Variants in ACAP3 observed in about 807,000 individuals in gnomAD.
The protein encoded by ACAP3 is arf-GAP with coiled-coil, ANK repeat and PH domain-containing protein 3.
ACAP3 carries 56 observed loss-of-function variants against 104.1 expected under a neutral mutation model. That is an observed-to-expected ratio of 0.54 (90% confidence interval 0.43 to 0.67). The LOEUF is 0.67. ACAP3 is among the 30% of genes least tolerant of loss of function. The probability of loss-of-function intolerance (pLI) is 0.00; values close to 1 mark genes in which losing one functional copy is unlikely to be tolerated. For synonymous variants in ACAP3, 628 were observed against 496.2 expected (o/e 1.27, Z -3.53); for missense variants, 1,208 against 1,174.9 (o/e 1.03, Z -0.41).
chr1:1,294,501 G>T lies in ACAP3; in HGVS notation c.2040C>A (p.Asp680Glu). ...LLAHRAARAR[D>E]LPALAAALAH... The stretch of plus-strand genomic sequence containing the variant: ...CCAGCGCCGCCGCCAGCGCAGGAAG[G>T]TCGCGGGCACGCGCTGCGCGGTGCG... The change falls in exon 21 of 24, where the codon GAC becomes GAA. Residue 680 changes from aspartate to glutamate, a missense_variant. Physicochemically the swap from Asp to Glu is conservative, Grantham distance 45. Transcript: ENST00000354700. 2.0e-6 allele frequency: 3 copies of T among 1,534,830 alleles called. No individual in the cohort carries two copies. Among genetic ancestry groups the T allele is most frequent in the Non-Finnish European group, 2.6e-6 (3 of 1,147,700 alleles).
At chr1:1,294,376 G>A in intron 21 of ACAP3, 26 bp downstream of exon 21, 2 of 1,553,554 alleles carry the variant, frequency 1.3e-6, no homozygotes, top group Non-Finnish European at 1.7e-6. Flanking sequence ...CCTGTGTCCT[G>A]CGCGCAGCCC....
intron 1 of ACAP3, chr1:1,304,361 G>T (rs1442432982): frequency 3.3e-6 from 2 of 599,152 alleles, no homozygotes; most frequent in African/African-American, 4.1e-5. Flanking sequence ...GGCAGCCGCT[G>T]CTGTGCCCTC....
At chr1:1,299,044 G>A (rs1316950171) in intron 10 of ACAP3, 3 of 564,380 alleles carry the variant, frequency 5.3e-6, no homozygotes, top group Non-Finnish European at 9.4e-6. Context: ...CCATTCAGGA[G>A]GCCTGGGAGT....
In ACAP3 at chr1:1,293,485, G is replaced by T. The variant is rs1640932110; in HGVS notation, c.*79C>A. The T allele has an allele frequency of 1.5e-6, 2 of 1,316,524 alleles. No individual in the cohort carries two copies. The highest frequency in any genetic ancestry group is 1.6e-5 in the African/African-American group (1 of 62,946). 81.6% of individuals were successfully genotyped at this position (1,316,524 alleles called of 1,614,324 possible). ...ACCCGCGGGTCACACGCAGGGCCGC[G>T]GCCGGGTGGGCGCCAGGGACTTCGG... is the stretch of plus-strand genomic sequence containing the variant. On this transcript the variant is annotated 3_prime_UTR_variant, in exon 24 of 24. Transcript: ENST00000354700.
Position 1,297,909 on chromosome 1 carries a change from G to T in ACAP3, c.1041C>A (p.Ser347=), listed in dbSNP as rs771170360. ...GGACCCAGGCTTGCCGCAGCTTCTC[G>T]GAGTCAGCCTGCAGCATGCAGCTCC... The part of the protein sequence containing the change: ...PTKSCMLQAD[S]EKLRQAWVQA... Residue 347 remains serine, a synonymous_variant, in exon 14 of 24, where the codon TCC becomes TCA. Coordinates refer to ENST00000354700, the MANE Select transcript of ACAP3 (RefSeq NM_030649.3). 1 of 1,611,976 alleles carries T rather than the reference G, an allele frequency of 6.2e-7. No individual in the cohort carries two copies. The highest frequency in any genetic ancestry group is 2.2e-5 in the East Asian group (1 of 44,864).
rs776504903 is a variant in ACAP3, at chr1:1,295,449, C to A, written c.1811G>T (p.Arg604Leu). The change falls in exon 19 of 24, where the codon CGC (arginine) becomes CTC (leucine). Residue 604 changes from arginine to leucine, a missense_variant and splice_region_variant. By Grantham distance (102) the Arg-to-Leu change is moderately radical (BLOSUM62 -2). Coordinates refer to ENST00000354700, the MANE Select transcript of ACAP3 (RefSeq NM_030649.3). ...GGCTGGGCCCACCCCACACTTACTG[C>A]GAGGGCCAGCCCCTGCGGCCCCTGC... Reference protein sequence around the residue: ...FDAGAAGAGPRSLSSDSGLGG... With the variant: ...FDAGAAGAGPLSLSSDSGLGG... The A allele has an allele frequency of 6.2e-7, 1 of 1,612,280 alleles. No individual in the cohort carries two copies. The highest frequency in any genetic ancestry group is 1.3e-5 in the African/African-American group (1 of 75,042).
At chr1:1,296,320 GC>G in intron 15 of ACAP3, 40 bp from the exon 16 acceptor site, 1 of 1,549,480 alleles carries the variant, frequency 6.5e-7, no homozygotes, top group Non-Finnish European at 8.7e-7. Context: ...GGGAGGCAAG[GC>G]CCCCAGCTCC....
At chr1:1,301,113 G>A (rs1338378122) in intron 5 of ACAP3, among the ~76,000 whole-genome samples, 1 of 151,990 alleles carries the variant, frequency 6.6e-6, no homozygotes, top group Non-Finnish European at 1.5e-5. Context: ...GCCCAGGCTG[G>A]AGGCTGGAGT....
rs1434404626 is a variant in ACAP3 at position 1,292,709 on chromosome 1, A to T, written c.*855T>A. ...CGTGAAGGCATTGGCAGGCCCTGCA[A>T]TATGAGCCGAAAGACCCCTGGACCC... On this transcript the variant is annotated 3_prime_UTR_variant, in exon 24 of 24. Transcript: ENST00000354700. 6.6e-6 allele frequency: 1 copy of T among 152,298 alleles called. No individual in the cohort carries two copies. The highest frequency in any genetic ancestry group is 1.9e-4 in the East Asian group (1 of 5,182). 9.4% of individuals were successfully genotyped at this position (152,298 alleles called of 1,614,324 possible). A position where few individuals can be genotyped will look rare whatever the true frequency, so the allele number is the denominator to read the frequency against.
chr1:1,296,149 G>A (rs1557598866), intron 16 of ACAP3, 40 bp from the exon 17 acceptor site: 1 of 1,609,630 alleles, frequency 6.2e-7, no homozygotes, highest in South Asian at 1.1e-5. Flanking sequence ...GTGCGAACCT[G>A]CAGACCCCAG....
intron 15 of ACAP3, 36 bp from the exon 16 acceptor site, chr1:1,296,316 C>T (rs769667618): frequency 6.5e-7 from 1 of 1,550,010 alleles, no homozygotes; most frequent in African/African-American, 1.4e-5. Flanking sequence ...CTGGGGGAGG[C>T]AAGGCCCCCA....
Position 1,296,514 on chromosome 1 carries a change from G to A in ACAP3, c.1248C>T (p.Ser416=). ...LQRVQSVAGN[S]QCGDCGQPDP... Reference sequence around the variant, plus strand: ...CCGGCTGGCCGCAGTCGCCGCACTGGCTGTTGCCGGCCACACTCTGCACAC... The same window carrying A: ...CCGGCTGGCCGCAGTCGCCGCACTGACTGTTGCCGGCCACACTCTGCACAC... The change falls in exon 15 of 24, where the codon AGC becomes AGT. Residue 416 remains serine (S), a synonymous_variant. Transcript: ENST00000354700. The A allele has an allele frequency of 6.5e-7, 1 of 1,540,792 alleles. No homozygotes were observed. Among genetic ancestry groups the A allele is most frequent in the Non-Finnish European group, 8.7e-7 (1 of 1,146,706 alleles).
At chr1:1,307,244 C>T (rs1641767793) in intron 1 of ACAP3, 17 of 1,286,982 alleles carry the variant, frequency 1.3e-5, no homozygotes, top group Admixed American at 4.6e-5. Context: ...ACAACCCCTA[C>T]CCCCTACCTG....
rs748764400 is a variant in ACAP3, at chr1:1,298,364, G to A, written c.915+6C>T. On this transcript the variant is annotated splice_donor_region_variant and intron_variant, in intron 12 of 23. Coordinates refer to ENST00000354700, the MANE Select transcript of ACAP3 (RefSeq NM_030649.3). ...TCAGGGCCCCAGCCCCAGGCCCAGG[G>A]CACACCTTGAGCTTCTTCTGGTAGA... is the stretch of plus-strand genomic sequence containing the variant. 2 of 1,605,426 alleles carry A rather than the reference G, an allele frequency of 1.2e-6. No homozygotes were observed. The highest frequency in any genetic ancestry group is 1.7e-5 in the Admixed American group (1 of 58,980).
rs1570675307 is a variant in ACAP3, at chr1:1,307,860, C to T, written c.-45G>A. 6 of 1,001,632 alleles carry T rather than the reference C, an allele frequency of 6.0e-6. No individual in the cohort carries two copies. The highest frequency in any genetic ancestry group is 6.0e-6 in the Non-Finnish European group (5 of 839,370). The allele number at this position is 1,001,632 out of a possible 1,614,324, so 62.0% of individuals were successfully genotyped here. A position where few individuals can be genotyped will look rare whatever the true frequency, so the allele number is the denominator to read the frequency against. Reference sequence around the variant, plus strand: ...CTCACTGGCACGAGGACCGCGGCGCCGAGCGGCAGCCGCGCCGGCCCGGAC... The same window carrying T: ...CTCACTGGCACGAGGACCGCGGCGCTGAGCGGCAGCCGCGCCGGCCCGGAC... On this transcript the variant is annotated 5_prime_UTR_variant, in exon 1 of 24. Coordinates refer to ENST00000354700, the MANE Select transcript of ACAP3 (RefSeq NM_030649.3).
In ACAP3 at chr1:1,293,947, T is replaced by C. The variant is rs1640978284; in HGVS notation, c.2250-14A>G. ...AGGCAAACCTGGCTGAGGGGCGAGG[T>C]CGGAGGGGCGTGTCGGGGCGGGGCG... On this transcript the variant is annotated splice_polypyrimidine_tract_variant and intron_variant, in intron 22 of 23. Coordinates refer to ENST00000354700, the MANE Select transcript of ACAP3 (RefSeq NM_030649.3). The C allele has an allele frequency of 4.0e-6, 6 of 1,497,332 alleles. No individual in the cohort carries two copies. Among genetic ancestry groups the C allele is most frequent in the Non-Finnish European group, 5.4e-6 (6 of 1,105,146 alleles). The allele number at this position is 1,497,332 out of a possible 1,614,324, so 92.8% of individuals were successfully genotyped here.
At chr1:1,294,868 C>T (rs1641047597) in intron 19 of ACAP3, 52 bp from the exon 20 acceptor site, 2 of 1,529,804 alleles carry the variant, frequency 1.3e-6, no homozygotes, top group African/African-American at 2.8e-5. Flanking sequence ...CAGACTCCGT[C>T]CAGAGCCCTG....
chr1:1,301,973 C>T lies in ACAP3; in HGVS notation c.338+15G>A, dbSNP rs1303126742. 7.1e-6 allele frequency: 11 copies of T among 1,556,706 alleles called. No homozygotes were observed. The highest frequency in any genetic ancestry group is 9.6e-6 in the Non-Finnish European group (11 of 1,149,544). On this transcript the variant is annotated intron_variant, in intron 5 of 23. Coordinates refer to ENST00000354700, the MANE Select transcript of ACAP3 (RefSeq NM_030649.3). ...TGGCCTCAGTGTTCTTCCCCCAGCCCTGGGGGCCACTCACTCTTTGACAAA... is the reference window on the plus strand; with the variant it reads ...TGGCCTCAGTGTTCTTCCCCCAGCCTTGGGGGCCACTCACTCTTTGACAAA...
At position 1,307,753 on chromosome 1, in the gene ACAP3, G is replaced by A. The variant is rs1291140608; in HGVS notation, c.47+16C>T. The A allele has an allele frequency of 4.6e-6, 5 of 1,097,704 alleles. No homozygotes were observed. The highest frequency in any genetic ancestry group is 1.2e-4 in the East Asian group (2 of 17,066). The allele number at this position is 1,097,704 out of a possible 1,614,324, so 68.0% of individuals were successfully genotyped here. On this transcript the variant is annotated intron_variant, in intron 1 of 23. Transcript: ENST00000354700. Reference sequence around the variant, plus strand: ...CCCCCGGCCTGCGCCCACCCCGGCGGCCCCGGGCGGCGCACCTGAAGCGCG... The same window carrying A: ...CCCCCGGCCTGCGCCCACCCCGGCGACCCCGGGCGGCGCACCTGAAGCGCG...
Sources: allele counts gnomAD v4.1 joint callset (sites outside exome capture counted in the v4.1 genomes callset), GRCh38; gene constraint gnomAD v4.1.1; transcripts MANE v1.5; gene names NCBI Gene and HGNC (gene_info 2026-07-23, HGNC 2026-07-21).